PTPRD: variants seen among roughly 807,000 people sequenced by gnomAD.
PTPRD encodes receptor-type tyrosine-protein phosphatase delta.
A neutral mutation model predicts 214.5 loss-of-function variants in PTPRD; 34 were observed. That is an observed-to-expected ratio of 0.16 (90% confidence interval 0.12 to 0.21). The LOEUF is 0.21. Among genes scored for constraint, PTPRD ranks in the 10% least tolerant of loss-of-function variants. PTPRD has a pLI of 1.00. For missense variants in PTPRD, 2,545 were observed against 2,398.7 expected (o/e 1.06, Z -1.27); for synonymous variants, 1,128 against 845.7 (o/e 1.33, Z -5.79).
At chr9:8,782,242 A>C (rs140379553) in intron 11 of PTPRD, among the ~76,000 whole-genome samples, 2 of 152,284 alleles carry the variant, frequency 1.3e-5, no homozygotes, top group East Asian at 3.9e-4. Flanking sequence ...GCTAATTAAA[A>C]TATCTATGCC....
At chr9:9,855,600 G>A (rs1011687813) in intron 5 of PTPRD, among the ~76,000 whole-genome samples, 1 of 152,098 alleles carries the variant, frequency 6.6e-6, no homozygotes, top group African/African-American at 2.4e-5. Context: ...CGGAGGGAGC[G>A]CACAAGTAAA....
chr9:8,859,049 G>C lies in PTPRD; in HGVS notation c.-103-125103C>G, dbSNP rs189663009. ...GACAGCAGTGATAATACTATAGGGA[G>C]CGTGCTTTGATGAGACACAGTTTGT... On this transcript the variant is annotated intron_variant, in intron 11 of 45. Coordinates refer to ENST00000381196, the MANE Select transcript of PTPRD (RefSeq NM_002839.4). Among the ~76,000 whole-genome samples the C allele has an allele frequency of 5.0e-4, 76 of 152,370 alleles. 1 individual carries two copies. The highest frequency in any genetic ancestry group is 1.8e-3 in the African/African-American group (73 of 41,594).
chr9:9,857,562 TAATA>T (rs138856436), intron 5 of PTPRD, among the ~76,000 whole-genome samples: 5,113 of 152,286 alleles, frequency 0.034, 93 homozygotes, highest in Middle Eastern at 0.061. Flanking sequence ...GCTCTGCTGA[TAATA>T]AATAAATAAA....
intron 3 of PTPRD, among the ~76,000 whole-genome samples, chr9:10,309,522 C>CTTT (rs771490425): frequency 2.4e-5 from 2 of 83,172 alleles, no homozygotes; most frequent in African/African-American, 5.7e-5. Flanking sequence ...CCAGCTATTT[C>CTTT]TTTTTTTTTT....
intron 12 of PTPRD, among the ~76,000 whole-genome samples, chr9:8,689,390 C>T (rs1565298742): frequency 6.6e-6 from 1 of 152,104 alleles, no homozygotes; most frequent in African/African-American, 2.4e-5. Flanking sequence ...TTTTACACTG[C>T]TGATGAAGAC....
chr9:8,939,811 G>A (rs2099020125), intron 11 of PTPRD, among the ~76,000 whole-genome samples: 1 of 152,028 alleles, frequency 6.6e-6, no homozygotes, highest in Non-Finnish European at 1.5e-5. Flanking sequence ...TGATAATACA[G>A]ACATGGATGT....
intron 8 of PTPRD, among the ~76,000 whole-genome samples, chr9:9,422,656 C>G (rs896026914): frequency 6.6e-6 from 1 of 152,092 alleles, no homozygotes; most frequent in African/African-American, 2.4e-5. Flanking sequence ...CCAACAGAAG[C>G]TGGTAGAGCT....
At chr9:9,696,348 T>C (rs1332118346) in intron 7 of PTPRD, among the ~76,000 whole-genome samples, 1 of 152,186 alleles carries the variant, frequency 6.6e-6, no homozygotes, top group Non-Finnish European at 1.5e-5. Flanking sequence ...ATCTCTGATG[T>C]TTCTTCATTG....
intron 12 of PTPRD, among the ~76,000 whole-genome samples, chr9:8,681,617 TAGC>T (rs1473098365): frequency 2.0e-5 from 3 of 152,126 alleles, no homozygotes; most frequent in Admixed American, 6.5e-5. Flanking sequence ...AAGATCAGGT[TAGC>T]AGCAGAAGAA....
intron 14 of PTPRD, among the ~76,000 whole-genome samples, chr9:8,578,650 G>T (rs773848022): frequency 6.6e-6 from 1 of 152,144 alleles, no homozygotes; most frequent in Non-Finnish European, 1.5e-5. Context: ...CTAGCTTCAA[G>T]TATTTAGACA....
intron 5 of PTPRD, among the ~76,000 whole-genome samples, chr9:9,931,346 T>A (rs1279539006): frequency 6.6e-6 from 1 of 152,100 alleles, no homozygotes; most frequent in East Asian, 1.9e-4. Context: ...TGCCAGACAG[T>A]GGGCGCAGGT....
intron 8 of PTPRD, among the ~76,000 whole-genome samples, chr9:9,566,952 G>C (rs771513045): frequency 6.6e-6 from 1 of 152,032 alleles, no homozygotes; most frequent in Non-Finnish European, 1.5e-5. Flanking sequence ...AGTGATTACA[G>C]AGTCAAATAC....
At chr9:10,265,473 G>A (rs2093991818) in intron 3 of PTPRD, among the ~76,000 whole-genome samples, 1 of 152,188 alleles carries the variant, frequency 6.6e-6, no homozygotes, top group African/African-American at 2.4e-5. Context: ...AATCCTAACT[G>A]CTGACAGAAT....
chr9:9,318,224 C>CAAAAAAAAAAAAAAAAAAAA (rs74895016), intron 9 of PTPRD, among the ~76,000 whole-genome samples: 1 of 127,068 alleles, frequency 7.9e-6, no homozygotes, highest in Non-Finnish European at 1.7e-5. Flanking sequence ...AACAAAAAAC[C>CAAAAAAAAAAAAAAAAAAAA]AAAAAAAAAA....
intron 9 of PTPRD, among the ~76,000 whole-genome samples, chr9:9,239,033 T>A (rs188341139): frequency 2.6e-4 from 40 of 152,286 alleles, no homozygotes; most frequent in Admixed American, 1.4e-3. Flanking sequence ...GCTCTGATAA[T>A]AGGCAAATAT....
chr9:8,526,596 C>A (rs1352810949), intron 17 of PTPRD, 31 bp downstream of exon 17: 1 of 1,550,288 alleles, frequency 6.5e-7, no homozygotes, highest in East Asian at 2.3e-5. Flanking sequence ...TGAGTAAGAT[C>A]ATTCTGTGAA....
intron 35 of PTPRD, among the ~76,000 whole-genome samples, chr9:8,419,506 A>G (rs1049175319): frequency 1.3e-5 from 2 of 152,128 alleles, no homozygotes; most frequent in Non-Finnish European, 2.9e-5. Flanking sequence ...TGGGTAAAGT[A>G]ACAAACATAA....
chr9:10,514,337 A>G (rs1333404476), intron 2 of PTPRD, among the ~76,000 whole-genome samples: 1 of 151,714 alleles, frequency 6.6e-6, no homozygotes, highest in Non-Finnish European at 1.5e-5. Context: ...TTACAATTAC[A>G]TTTAGAACTT....
At chr9:10,311,013 G>C (rs1201745866) in intron 3 of PTPRD, among the ~76,000 whole-genome samples, 1 of 151,884 alleles carries the variant, frequency 6.6e-6, no homozygotes, top group Admixed American at 6.6e-5. Flanking sequence ...AACTTCATTT[G>C]GCCAGTTTCC....
Sources: gnomAD v4.1 joint callset for allele counts (sites outside exome capture counted in the v4.1 genomes callset) on GRCh38, gnomAD v4.1.1 for gene constraint, MANE v1.5 for transcripts, NCBI Gene and HGNC (gene_info 2026-07-23, HGNC 2026-07-21) for gene names.